Variants in ATXN2 observed in about 807,000 individuals in gnomAD.
The protein encoded by ATXN2 is ataxin 2.
In ATXN2, 37 loss-of-function variants were observed where a neutral mutation model predicts 138.6. That is an observed-to-expected ratio of 0.27 (90% CI 0.21 to 0.35). The LOEUF (loss-of-function observed/expected upper bound fraction) is 0.35. ATXN2 is among the 10% of genes least tolerant of loss of function. ATXN2 has a pLI of 1.00. For synonymous variants in ATXN2, 549 were observed against 543.7 expected, an observed-to-expected ratio of 1.01 and a Z score of -0.13; for missense variants, 1,216 against 1,480.3, an observed-to-expected ratio of 0.82 and a Z score of 2.93.
intron 1 of ATXN2, among the ~76,000 whole-genome samples, chr12:111,571,512 A>G (rs112833628): frequency 2.0e-5 from 3 of 152,224 alleles, no homozygotes; most frequent in African/African-American, 7.2e-5. Context: ...ATGGCAGAAC[A>G]ATGATGGAGG....
intron 6 of ATXN2, among the ~76,000 whole-genome samples, chr12:111,522,190 G>A (rs1880194016): frequency 6.7e-6 from 1 of 149,606 alleles, no homozygotes; most frequent in Admixed American, 6.7e-5. Context: ...ACTTACTTAT[G>A]GAGGCTTTAA....
At chr12:111,471,126 A>G (rs896552497) in intron 18 of ATXN2, 9 of 211,042 alleles carry the variant, frequency 4.3e-5, no homozygotes, top group African/African-American at 2.0e-4. Context: ...TGAGAAAAAC[A>G]AAGGCATGAC....
At chr12:111,553,741 C>T (rs1239664533) in intron 3 of ATXN2, among the ~76,000 whole-genome samples, 2 of 151,598 alleles carry the variant, frequency 1.3e-5, no homozygotes, top group Non-Finnish European at 1.5e-5. Context: ...ACTAGGACTA[C>T]AGGCACGTAC....
At chr12:111,592,757 T>C (rs1884731479) in intron 1 of ATXN2, among the ~76,000 whole-genome samples, 2 of 89,924 alleles carry the variant, frequency 2.2e-5, no homozygotes, top group African/African-American at 8.2e-5. Context: ...CACTCCAGCC[T>C]GGGCGACAGA....
chr12:111,506,900 G>GA (rs1566030822), intron 14 of ATXN2, among the ~76,000 whole-genome samples: 1 of 152,020 alleles, frequency 6.6e-6, no homozygotes, highest in Admixed American at 6.6e-5. Flanking sequence ...TCCTAACCGC[G>GA]AGTGATCTGC....
chr12:111,582,885 G>T (rs1261625353), intron 1 of ATXN2, among the ~76,000 whole-genome samples: 1 of 151,810 alleles, frequency 6.6e-6, no homozygotes, highest in Non-Finnish European at 1.5e-5. Flanking sequence ...AGGCAGGACG[G>T]TCTCGATCTC....
At chr12:111,509,702 T>C (rs1879389203) in intron 13 of ATXN2, 83 bp from the exon 14 acceptor site, 2 of 955,168 alleles carry the variant, frequency 2.1e-6, no homozygotes, top group Admixed American at 5.6e-5. Flanking sequence ...TGATAGAAAT[T>C]AGAATAAGAT....
rs542507812 is a variant in ATXN2 at position 111,536,674 on chromosome 12, T to C, written c.572-11358A>G. Among the ~76,000 whole-genome samples the C allele has an allele frequency of 5.9e-5, 9 of 152,150 alleles. 1 individual carries two copies. In the East Asian group the frequency reaches 1.7e-3, roughly 29 times the overall value. On this transcript the variant is annotated intron_variant, in intron 5 of 24. Coordinates refer to ENST00000673436, the MANE Select transcript of ATXN2 (RefSeq NM_001372574.1). ...AGTTATGTAAAAGGTTCAACATAGA[T>C]TTAGCATACGAGCCAGCAATTATCT...
chr12:111,564,546 T>C lies in ATXN2; in HGVS notation c.252-8627A>G, dbSNP rs555402666. Among the ~76,000 whole-genome samples, 12 of 151,338 alleles carry C rather than the reference T, an allele frequency of 7.9e-5. No homozygotes were observed. The South Asian group carries it at 1.9e-3, about 24-fold the overall frequency. On this transcript the variant is annotated intron_variant, in intron 1 of 24. Transcript: ENST00000673436. ...ATGGCCCTAGAGCCTAAAATACTTA[T>C]TACCTGAGACTTTACATAAAAAGTT...
intron 14 of ATXN2, among the ~76,000 whole-genome samples, chr12:111,504,624 A>C (rs1176762805): frequency 6.6e-6 from 1 of 152,152 alleles, no homozygotes; most frequent in African/African-American, 2.4e-5. Flanking sequence ...TGGTGCTGGG[A>C]CAACTAATAC....
chr12:111,479,715 T>G (rs904036368), intron 18 of ATXN2, among the ~76,000 whole-genome samples: 4 of 152,120 alleles, frequency 2.6e-5, no homozygotes, highest in Non-Finnish European at 5.9e-5. Flanking sequence ...TAAGTTTTGC[T>G]ATTTTTTTTT....
Position 111,516,251 on chromosome 12 carries a change from G to A in ATXN2, c.1278C>T (p.Ser426=). 1 of 1,568,910 alleles carries A rather than the reference G, an allele frequency of 6.4e-7. No homozygotes were observed. Among genetic ancestry groups the A allele is most frequent in the East Asian group, 2.3e-5 (1 of 44,030 alleles). Residue 426 remains serine (S), a synonymous_variant, in exon 10 of 25, where the codon TCC becomes TCT. Coordinates refer to ENST00000673436, the MANE Select transcript of ATXN2 (RefSeq NM_001372574.1). The surrounding 1 kb of genome is among the most constrained non-coding windows in gnomAD (Gnocchi z 5.0). Reference sequence around the variant, plus strand: ...GTCTGGATGGCCGCGAGGGGGGCCTGGAGGGCGGCCGTGTAGGGGTGGCTG... The same window carrying A: ...GTCTGGATGGCCGCGAGGGGGGCCTAGAGGGCGGCCGTGTAGGGGTGGCTG... ...PRAATPTRPP[S]RPPSRPSRPP...
intron 5 of ATXN2, among the ~76,000 whole-genome samples, chr12:111,541,690 T>C (rs1376551306): frequency 1.3e-5 from 2 of 149,350 alleles, no homozygotes. Flanking sequence ...TTTATGACTC[T>C]TGTGGAAAAA....
chr12:111,561,937 G>A (rs896296625), intron 1 of ATXN2, among the ~76,000 whole-genome samples: 9 of 151,392 alleles, frequency 5.9e-5, no homozygotes, highest in Non-Finnish European at 8.8e-5. Context: ...TCAGCCTCCC[G>A]AGTAGCTGGG....
intron 6 of ATXN2, among the ~76,000 whole-genome samples, chr12:111,523,900 A>C (rs1044304339): frequency 6.6e-6 from 1 of 152,078 alleles, no homozygotes; most frequent in African/African-American, 2.4e-5. Context: ...CTGTCTCTGC[A>C]GAAAAAGAAA....
chr12:111,573,547 G>A (rs1883458011), intron 1 of ATXN2, among the ~76,000 whole-genome samples: 1 of 152,084 alleles, frequency 6.6e-6, no homozygotes, highest in African/African-American at 2.4e-5. Flanking sequence ...TAGAAGCAAT[G>A]GAACAGTTAT....
intron 1 of ATXN2, among the ~76,000 whole-genome samples, chr12:111,587,073 C>CAAAAAAAAAA (rs374631048): frequency 1.8e-5 from 2 of 112,880 alleles, no homozygotes; most frequent in Non-Finnish European, 3.5e-5. Flanking sequence ...CCATTTCTAC[C>CAAAAAAAAAA]AAAAAAAAAA....
chr12:111,452,787 G>C lies in ATXN2; in HGVS notation c.*25C>G. On this transcript the variant is annotated 3_prime_UTR_variant, in exon 25 of 25. Transcript: ENST00000673436. ...GCAGTAGAAGGGAGGAGGGAATTTG[G>C]CCTTTCGGTTCCTCCAGGGCAGCCT... The C allele has an allele frequency of 5.0e-6, 8 of 1,610,194 alleles. No homozygotes were observed. The highest frequency in any genetic ancestry group is 6.8e-6 in the Non-Finnish European group (8 of 1,176,422).
chr12:111,592,077 CA>C (rs113031934), intron 1 of ATXN2, among the ~76,000 whole-genome samples: 171 of 118,776 alleles, frequency 1.4e-3, no homozygotes, highest in Non-Finnish European at 1.8e-3. Context: ...AAAACTGTCT[CA>C]AAAAAAAAAA....
Sources: gnomAD v4.1 joint callset for allele counts (sites outside exome capture counted in the v4.1 genomes callset) on GRCh38, gnomAD v4.1.1 for gene constraint, Gnocchi (gnomAD v3.1) non-coding constraint, MANE v1.5 for transcripts, NCBI Gene and HGNC (gene_info 2026-07-23, HGNC 2026-07-21) for gene names.